Variants in KCNIP4 observed in about 807,000 individuals in gnomAD.
KCNIP4 encodes potassium voltage-gated channel interacting protein 4, also known as Kv channel-interacting protein 4.
In KCNIP4, 12 loss-of-function variants were observed where a neutral mutation model predicts 34.0. That is an observed-to-expected ratio of 0.35 (90% CI 0.23 to 0.57). The LOEUF is 0.57. Among genes scored for constraint, KCNIP4 ranks in the 20% least tolerant of loss-of-function variants. KCNIP4 has a pLI of 0.83. For synonymous variants in KCNIP4, 124 were observed against 102.2 expected (o/e 1.21, Z -1.29); for missense variants, 238 against 311.7 (o/e 0.76, Z 1.78).
chr4:21,279,237 A>C (rs1762627687), intron 1 of KCNIP4, among the ~76,000 whole-genome samples: 1 of 152,200 alleles, frequency 6.6e-6, no homozygotes, highest in Non-Finnish European at 1.5e-5. Flanking sequence ...AATTGCATCT[A>C]TGAAGCAGAA....
intron 1 of KCNIP4, among the ~76,000 whole-genome samples, chr4:20,983,540 C>T (rs1054449200): frequency 2.6e-5 from 4 of 152,100 alleles, no homozygotes; most frequent in African/African-American, 9.7e-5. Flanking sequence ...AGGAGAGAGT[C>T]CTAACTCCCC....
intron 1 of KCNIP4, among the ~76,000 whole-genome samples, chr4:21,906,410 T>C (rs1246059043): frequency 2.0e-5 from 3 of 152,148 alleles, no homozygotes; most frequent in African/African-American, 7.2e-5. Flanking sequence ...ATTGGCGTGA[T>C]GTAGCCACAA....
intron 1 of KCNIP4, among the ~76,000 whole-genome samples, chr4:21,254,794 A>T (rs1454739499): frequency 6.6e-6 from 1 of 152,110 alleles, no homozygotes; most frequent in African/African-American, 2.4e-5. Context: ...CCTGTAACCA[A>T]ACTTTGGTTT....
intron 1 of KCNIP4, among the ~76,000 whole-genome samples, chr4:21,241,600 T>A (rs1174421434): frequency 6.6e-6 from 1 of 152,166 alleles, no homozygotes; most frequent in Non-Finnish European, 1.5e-5. Flanking sequence ...CACTAATGAA[T>A]CATAGTGGCA....
At chr4:21,906,636 T>C (rs1013254211) in intron 1 of KCNIP4, among the ~76,000 whole-genome samples, 8 of 152,164 alleles carry the variant, frequency 5.3e-5, no homozygotes, top group African/African-American at 1.7e-4. Flanking sequence ...TCCCAGGACA[T>C]TAATACTCTG....
intron 1 of KCNIP4, among the ~76,000 whole-genome samples, chr4:21,329,993 G>A (rs766670176): frequency 5.9e-5 from 9 of 152,072 alleles, no homozygotes; most frequent in Non-Finnish European, 1.2e-4. Context: ...CAGGTTTCCC[G>A]TTCATTACCG....
In KCNIP4 at chr4:20,805,933, T is replaced by C. The variant is rs577803568; in HGVS notation, c.288+44610A>G. Among the ~76,000 whole-genome samples the C allele has an allele frequency of 1.4e-4, 21 of 152,222 alleles. 1 individual carries two copies. The South Asian group carries it at 4.3e-3, about 32-fold the overall frequency. The stretch of plus-strand genomic sequence containing the variant: ...ACTAGGGTATGTTTAATGTTGACCA[T>C]ATGAGTCAGTTTTTCCTAAGGCATG... On this transcript the variant is annotated intron_variant, in intron 3 of 8. Transcript: ENST00000382152.
At chr4:21,080,706 A>G (rs1010810171) in intron 1 of KCNIP4, among the ~76,000 whole-genome samples, 9 of 142,370 alleles carry the variant, frequency 6.3e-5, no homozygotes, top group Non-Finnish European at 1.1e-4. Flanking sequence ...AGTGATATGC[A>G]TTTTATATAT....
chr4:21,697,721 A>G (rs900939337), intron 1 of KCNIP4: 43 of 1,175,252 alleles, frequency 3.7e-5, no homozygotes, highest in Non-Finnish European at 4.4e-5. Flanking sequence ...GCCGGTTCAC[A>G]CTTGTAGTAA....
chr4:21,422,404 T>C (rs1371708785), intron 1 of KCNIP4, among the ~76,000 whole-genome samples: 4 of 152,130 alleles, frequency 2.6e-5, no homozygotes, highest in African/African-American at 9.7e-5. Flanking sequence ...TTTCACCATG[T>C]TGGCCAGGCT....
chr4:21,480,709 T>A (rs68049217), intron 1 of KCNIP4, among the ~76,000 whole-genome samples: 19,016 of 152,188 alleles, frequency 0.12, 1,353 homozygotes, highest in South Asian at 0.21. Flanking sequence ...ACATAGAATA[T>A]GTCTAGTTAA....
chr4:21,048,949 T>A (rs929668255), intron 1 of KCNIP4, among the ~76,000 whole-genome samples: 1 of 138,386 alleles, frequency 7.2e-6, no homozygotes, highest in Admixed American at 7.1e-5. Flanking sequence ...TTTATCTTTT[T>A]TTTTTTTTTT....
chr4:20,856,158 T>C (rs1472664478), intron 2 of KCNIP4, among the ~76,000 whole-genome samples: 1 of 152,232 alleles, frequency 6.6e-6, no homozygotes, highest in East Asian at 1.9e-4. Flanking sequence ...ACTTCAACTA[T>C]GTTGTATTAT....
chr4:21,188,955 T>C (rs73805056), intron 1 of KCNIP4, among the ~76,000 whole-genome samples: 2,709 of 152,282 alleles, frequency 0.018, 89 homozygotes, highest in African/African-American at 0.061. Context: ...GAGACAGCTG[T>C]AGAGTTAGAA....
At chr4:20,733,869 C>T (rs556507372) in intron 6 of KCNIP4, among the ~76,000 whole-genome samples, 3 of 152,258 alleles carry the variant, frequency 2.0e-5, no homozygotes, top group Non-Finnish European at 2.9e-5. Context: ...AGGCTATACT[C>T]GTGACCTGGC....
intron 1 of KCNIP4, among the ~76,000 whole-genome samples, chr4:21,039,949 G>T (rs140830501): frequency 0.028 from 4,266 of 152,160 alleles, 177 homozygotes; most frequent in African/African-American, 0.096. Flanking sequence ...TCATGGCTGG[G>T]GAGGCCTCAG....
intron 1 of KCNIP4, among the ~76,000 whole-genome samples, chr4:21,234,698 A>T (rs1405503135): frequency 6.6e-6 from 1 of 150,460 alleles, no homozygotes; most frequent in African/African-American, 2.4e-5. Flanking sequence ...CCCAGGCTGG[A>T]GTACAGTGGT....
chr4:20,729,935 G>A lies in KCNIP4; in HGVS notation c.*147C>T. On this transcript the variant is annotated 3_prime_UTR_variant, in exon 9 of 9. Transcript: ENST00000382152. ...TATAACTGAAAGCTCAAATCTTTTG[G>A]GGATTGCTTTATATTAAAACAAAGC... 1 of 861,034 alleles carries A rather than the reference G, an allele frequency of 1.2e-6. No individual in the cohort carries two copies. The allele number at this position is 861,034 out of a possible 1,614,324, so 53.3% of individuals were successfully genotyped here.
Position 21,942,970 on chromosome 4 carries a change from G to A in KCNIP4, c.61+5601C>T, listed in dbSNP as rs991078427. 4.6e-5 allele frequency among the ~76,000 whole-genome samples: 7 copies of A among 152,214 alleles called. No homozygotes were observed. The East Asian group carries it at 1.4e-3, about 30-fold the overall frequency. On this transcript the variant is annotated intron_variant, in intron 1 of 8. Transcript: ENST00000382152. ...GAACGGGTTTCATCATGTTGGCCAG[G>A]CTGGTCTCAAACTCCTGACCTCAGG...
Sources: gnomAD v4.1 joint callset for allele counts (sites outside exome capture counted in the v4.1 genomes callset) on GRCh38, gnomAD v4.1.1 for gene constraint, MANE v1.5 for transcripts, NCBI Gene and HGNC (gene_info 2026-07-23, HGNC 2026-07-21) for gene names.